Variants in SEMA3E observed in about 807,000 individuals in gnomAD.
SEMA3E encodes the protein semaphorin 3E.
In SEMA3E, 49 loss-of-function variants were observed where a neutral mutation model predicts 93.6. The observed-to-expected ratio is 0.52, with a 90% CI of 0.42 to 0.66. SEMA3E has a LOEUF of 0.66. SEMA3E is among the 30% of genes least tolerant of loss of function. The pLI, the probability that SEMA3E is intolerant of heterozygous loss-of-function variation, is 0.00. For synonymous variants in SEMA3E, 363 were observed against 330.7 expected (o/e 1.10, Z -1.06); for missense variants, 906 against 964.8 (o/e 0.94, Z 0.81).
At chr7:83,411,691 T>C (rs1490003003) in intron 5 of SEMA3E, among the ~76,000 whole-genome samples, 1 of 152,248 alleles carries the variant, frequency 6.6e-6, no homozygotes, top group Admixed American at 6.5e-5. Flanking sequence ...TCTAATTAAA[T>C]TTATTATAAC....
chr7:83,367,812 C>A lies in SEMA3E; in HGVS notation c.2102G>T (p.Ser701Ile), dbSNP rs142204796. Residue 701 changes from serine (S) to isoleucine (I), a missense_variant, in exon 17 of 17, where the codon AGC (serine) becomes ATC (isoleucine). Transcript: ENST00000643230. ...CCATGGTTTTGCTCCCTGCGAGATGCTACTCTGAGCAGGACAAGGCATCCT... is the reference window on the plus strand; with the variant it reads ...CCATGGTTTTGCTCCCTGCGAGATGATACTCTGAGCAGGACAAGGCATCCT... ...HHRMPCPAQS[S>I]ISQGAKPWYK... The A allele has an allele frequency of 5.5e-3, 8,889 of 1,614,098 alleles. 50 individuals carry two copies. Among genetic ancestry groups the A allele is most frequent in the South Asian group, 0.01 (915 of 91,084 alleles).
rs527863871 is a variant in SEMA3E, at chr7:83,370,613, T to C, written c.1876-2575A>G. Among the ~76,000 whole-genome samples the C allele has an allele frequency of 3.9e-5, 6 of 152,306 alleles. No individual in the cohort carries two copies. In the East Asian group the frequency reaches 1.2e-3, roughly 29 times the overall value. ...CTGTTTCAGGATCTCTGTGTATATC[T>C]CTGCCTTCAGATACTTCTTTAAGGC... On this transcript the variant is annotated intron_variant, in intron 16 of 16. Transcript: ENST00000643230.
intron 1 of SEMA3E, among the ~76,000 whole-genome samples, chr7:83,581,071 C>G (rs2115907423): frequency 6.6e-6 from 1 of 151,916 alleles, no homozygotes; most frequent in East Asian, 1.9e-4. Flanking sequence ...GCTTATTATC[C>G]TAGGCTGTCA....
At chr7:83,446,043 A>G (rs992117703) in intron 4 of SEMA3E, among the ~76,000 whole-genome samples, 1 of 152,186 alleles carries the variant, frequency 6.6e-6, no homozygotes, top group East Asian at 1.9e-4. Context: ...AATCCATGTA[A>G]CTTTGACAAG....
chr7:83,515,549 A>G (rs1790909527), intron 1 of SEMA3E, among the ~76,000 whole-genome samples: 1 of 152,142 alleles, frequency 6.6e-6, no homozygotes, highest in African/African-American at 2.4e-5. Flanking sequence ...GGTACTTCCA[A>G]AAGTCCACAG....
chr7:83,468,053 A>C (rs917119509), intron 3 of SEMA3E, among the ~76,000 whole-genome samples: 1 of 152,206 alleles, frequency 6.6e-6, no homozygotes, highest in Non-Finnish European at 1.5e-5. Flanking sequence ...AAATCAATAC[A>C]TGCAATCATC....
At chr7:83,436,228 A>G (rs888111950) in intron 4 of SEMA3E, among the ~76,000 whole-genome samples, 1 of 151,874 alleles carries the variant, frequency 6.6e-6, no homozygotes, top group African/African-American at 2.4e-5. Flanking sequence ...TGTTAAAGAT[A>G]TACAACACAA....
chr7:83,443,475 T>C (rs1004575365), intron 4 of SEMA3E, among the ~76,000 whole-genome samples: 15 of 152,228 alleles, frequency 9.9e-5, no homozygotes, highest in African/African-American at 3.4e-4. Context: ...CTTTGTTAAT[T>C]TGAGTTAAGC....
rs2115977130 is a variant in SEMA3E at position 83,490,267 on chromosome 7, C to T, written c.123G>A (p.Leu41=). ...GAAATATTGATGTTCTGTTCAGATT[C>T]AAGAGCTCTGAAATGCAAAGTGATA... ...PRLRLSHKEL[L]NLNRTSIFHS... Residue 41 remains leucine (L), a synonymous_variant, in exon 2 of 17, where the codon TTG becomes TTA. Transcript: ENST00000643230. 1 of 1,611,864 alleles carries T rather than the reference C, an allele frequency of 6.2e-7. No individual in the cohort carries two copies. The highest frequency in any genetic ancestry group is 1.1e-5 in the South Asian group (1 of 91,054).
intron 1 of SEMA3E, among the ~76,000 whole-genome samples, chr7:83,515,710 C>A (rs1312424547): frequency 6.6e-6 from 1 of 152,066 alleles, no homozygotes; most frequent in African/African-American, 2.4e-5. Context: ...TTCTTTCTCC[C>A]AAATGTTGAG....
In SEMA3E at chr7:83,400,095, C is replaced by G; in HGVS notation, c.1299G>C (p.Leu433=). 6.2e-7 allele frequency: 1 copy of G among 1,614,018 alleles called. No homozygotes were observed. The highest frequency in any genetic ancestry group is 1.1e-5 in the South Asian group (1 of 91,076). ...CCACTCGATCTACTGCTATTTGTTTCAGGTTATATTTTCCATCTGTTTTTA... is the reference window on the plus strand; with the variant it reads ...CCACTCGATCTACTGCTATTTGTTTGAGGTTATATTTTCCATCTGTTTTTA... ...ILVKTDGKYN[L]KQIAVDRVEA... is the part of the protein sequence containing the mutation. Residue 433 remains leucine, a synonymous_variant, in exon 11 of 17, where the codon CTG becomes CTC. Coordinates refer to ENST00000643230, the MANE Select transcript of SEMA3E (RefSeq NM_012431.3).
chr7:83,452,328 G>GA lies in SEMA3E; in HGVS notation c.456+14153dup, dbSNP rs370816792. Among the ~76,000 whole-genome samples, 898 of 151,626 alleles carry GA rather than the reference G, an allele frequency of 5.9e-3. 9 individuals carry two copies. Among genetic ancestry groups the GA allele is most frequent in the African/African-American group, 0.02 (842 of 41,340 alleles). Reference sequence around the variant, plus strand: ...TGTATTTATATTTGTTCAAGTGGGGGAAAAAAAAGCCCTCATAGTGGCTCC... The same window carrying GA: ...TGTATTTATATTTGTTCAAGTGGGGGAAAAAAAAAGCCCTCATAGTGGCTCC... On this transcript the variant is annotated intron_variant, in intron 4 of 16. Transcript: ENST00000643230.
intron 2 of SEMA3E, among the ~76,000 whole-genome samples, chr7:83,480,361 G>A (rs1056472757): frequency 1.3e-5 from 2 of 152,178 alleles, no homozygotes; most frequent in Non-Finnish European, 2.9e-5. Context: ...CCTAGAGGCA[G>A]AGGGTGCAGT....
At position 83,364,302 on chromosome 7, in the gene SEMA3E, A is replaced by G. The variant is rs1584192494; in HGVS notation, c.*3284T>C. 2 of 152,228 alleles carry G rather than the reference A, an allele frequency of 1.3e-5. No homozygotes were observed. Among genetic ancestry groups the G allele is most frequent in the Admixed American group, 1.3e-4 (2 of 15,282 alleles). The allele number at this position is 152,228 out of a possible 1,614,324, so 9.4% of individuals were successfully genotyped here. On this transcript the variant is annotated 3_prime_UTR_variant, in exon 17 of 17. Coordinates refer to ENST00000643230, the MANE Select transcript of SEMA3E (RefSeq NM_012431.3). ...AATTTTACAAATGTTTATAATTACTATGAAGATTTACAAAACCCTAAAACC... is the reference window on the plus strand; with the variant it reads ...AATTTTACAAATGTTTATAATTACTGTGAAGATTTACAAAACCCTAAAACC...
intron 1 of SEMA3E, among the ~76,000 whole-genome samples, chr7:83,609,352 G>A (rs1793197199): frequency 6.6e-6 from 1 of 151,938 alleles, no homozygotes; most frequent in Non-Finnish European, 1.5e-5. Flanking sequence ...ATGTTTAAAA[G>A]TACATGTATG....
chr7:83,467,634 A>T (rs1258781156), intron 3 of SEMA3E, among the ~76,000 whole-genome samples: 1 of 152,204 alleles, frequency 6.6e-6, no homozygotes, highest in Non-Finnish European at 1.5e-5. Flanking sequence ...GCATGAAAGG[A>T]GCCATAAACA....
Position 83,625,109 on chromosome 7 carries a change from G to A in SEMA3E, c.115+23319C>T, listed in dbSNP as rs181322790. ...ATATCTGTTTTGGTACCAGTACCAT[G>A]CTGTTTTGGTTACTGTAGCCTTGCA... On this transcript the variant is annotated intron_variant, in intron 1 of 16. Transcript: ENST00000643230. Among the ~76,000 whole-genome samples, 1,326 of 152,290 alleles carry A rather than the reference G, an allele frequency of 8.7e-3. 15 individuals are homozygous for A. The highest frequency in any genetic ancestry group is 0.012 in the Admixed American group (185 of 15,290).
At chr7:83,372,624 A>G in intron 16 of SEMA3E, 1 of 191,996 alleles carries the variant, frequency 5.2e-6, no homozygotes, top group Non-Finnish European at 1.1e-5. Flanking sequence ...TGGTCAAGAT[A>G]CAAGATACGG....
rs776901860 is a variant in SEMA3E at position 83,386,985 on chromosome 7, A to G, written c.1733T>C (p.Val578Ala). 2 of 1,613,174 alleles carry G rather than the reference A, an allele frequency of 1.2e-6. No homozygotes were observed. The highest frequency in any genetic ancestry group is 1.3e-5 in the African/African-American group (1 of 75,016). ...AAQQCFGQQFVGDALDKTEEH... is the reference protein window; with the variant it reads ...AAQQCFGQQFAGDALDKTEEH... ...ACAACTGATTTTCTATGGATTACCA[A>G]CAAACTGTTGTCCAAAGCACTGCTG... is the stretch of plus-strand genomic sequence containing the variant. Residue 578 changes from valine to alanine, a missense_variant and splice_region_variant, in exon 15 of 17, where the codon GTT becomes GCT. Coordinates refer to ENST00000643230, the MANE Select transcript of SEMA3E (RefSeq NM_012431.3).
Sources: gnomAD v4.1 joint callset for allele counts (sites outside exome capture counted in the v4.1 genomes callset) on GRCh38, gnomAD v4.1.1 for gene constraint, MANE v1.5 for transcripts, NCBI Gene and HGNC (gene_info 2026-07-23, HGNC 2026-07-21) for gene names.